The following SLC4A4 variants were observed in gnomAD, a reference collection of about 807,000 sequenced individuals.
SLC4A4 encodes the protein solute carrier family 4 member 4.
A neutral mutation model predicts 111.5 loss-of-function variants in SLC4A4; 27 were observed. The observed-to-expected ratio is 0.24, with a 90% confidence interval of 0.18 to 0.33. The LOEUF (loss-of-function observed/expected upper bound fraction) is 0.33, where lower values mean the gene tolerates loss of function less well. Among genes scored for constraint, SLC4A4 ranks in the 10% least tolerant of loss-of-function variants. The pLI, the probability that SLC4A4 is intolerant of heterozygous loss-of-function variation, is 1.00. For missense variants in SLC4A4, 909 were observed against 1,315.5 expected (o/e 0.69, Z 4.78); for synonymous variants, 443 against 463.4 (o/e 0.96, Z 0.57).
At position 71,167,483 on chromosome 4, in the gene SLC4A4, T is replaced by C. The variant is rs57558670; in HGVS notation, c.-1-69093T>C. 9.5e-3 allele frequency among the ~76,000 whole-genome samples: 1,439 copies of C among 152,240 alleles called. 27 individuals carry two copies. Among genetic ancestry groups the C allele is most frequent in the African/African-American group, 0.033 (1,364 of 41,540 alleles). ...TTGAAAGGGGAGTGGCGAGGTCACATCAGAGAAGAGGATGTGGAAGTGGAG... is the reference window on the plus strand; with the variant it reads ...TTGAAAGGGGAGTGGCGAGGTCACACCAGAGAAGAGGATGTGGAAGTGGAG... On this transcript the variant is annotated intron_variant, in intron 2 of 26. Transcript: ENST00000649996.
intron 1 of SLC4A4, among the ~76,000 whole-genome samples, chr4:71,209,618 G>A (rs1718003436): frequency 6.6e-6 from 1 of 152,040 alleles, no homozygotes; most frequent in African/African-American, 2.4e-5. Context: ...CAATCTGTTA[G>A]TACTCTGCAG....
chr4:71,076,198 C>G (rs1443392032), intron 1 of SLC4A4, among the ~76,000 whole-genome samples: 1 of 151,928 alleles, frequency 6.6e-6, no homozygotes, highest in South Asian at 2.1e-4. Flanking sequence ...TTCTTAGTCC[C>G]GAGAATGTTA....
chr4:71,186,680 G>A (rs1745463105), upstream of SLC4A4: 1 of 151,656 alleles, frequency 6.6e-6, no homozygotes, highest in Non-Finnish European at 1.5e-5. Flanking sequence ...GTGGGGGCCG[G>A]GCTGGCGGGC....
At chr4:71,387,311 A>G (rs1489913833) in intron 6 of SLC4A4, among the ~76,000 whole-genome samples, 4 of 151,918 alleles carry the variant, frequency 2.6e-5, no homozygotes, top group African/African-American at 9.7e-5. Flanking sequence ...AAGTTTTTGG[A>G]GTCTCTTGTC....
chr4:71,149,880 C>G (rs968897643), intron 2 of SLC4A4, among the ~76,000 whole-genome samples: 21 of 152,162 alleles, frequency 1.4e-4, no homozygotes, highest in African/African-American at 4.8e-4. Context: ...AATGGAGCCC[C>G]TAAATCCAAT....
chr4:71,229,940 A>G (rs973941682), intron 1 of SLC4A4, among the ~76,000 whole-genome samples: 29 of 151,160 alleles, frequency 1.9e-4, no homozygotes, highest in African/African-American at 7.1e-4. Context: ...CTTTGCAGCC[A>G]CTGAGATCGC....
intron 2 of SLC4A4, among the ~76,000 whole-genome samples, chr4:71,238,178 C>G (rs1719941367): frequency 6.6e-6 from 1 of 152,160 alleles, no homozygotes; most frequent in African/African-American, 2.4e-5. Flanking sequence ...GTGACATATA[C>G]TGTGTGCGTG....
intron 16 of SLC4A4, among the ~76,000 whole-genome samples, chr4:71,509,753 T>G (rs1294354491): frequency 2.0e-5 from 3 of 152,180 alleles, no homozygotes; most frequent in Non-Finnish European, 4.4e-5. Context: ...TTCAGTGACT[T>G]TCCTGCTTTG....
chr4:71,199,036 T>C (rs1158372739), intron 1 of SLC4A4, among the ~76,000 whole-genome samples: 2 of 152,312 alleles, frequency 1.3e-5, no homozygotes, highest in African/African-American at 4.8e-5. Context: ...TGGGTGGTTA[T>C]TCTCTCTTTA....
chr4:71,210,816 A>C (rs1718093822), intron 1 of SLC4A4, among the ~76,000 whole-genome samples: 1 of 152,186 alleles, frequency 6.6e-6, no homozygotes, highest in Non-Finnish European at 1.5e-5. Flanking sequence ...TATCTTATTC[A>C]TTTTTTATGT....
chr4:71,549,931 A>G (rs995972338), intron 20 of SLC4A4, among the ~76,000 whole-genome samples: 2 of 151,918 alleles, frequency 1.3e-5, no homozygotes, highest in East Asian at 1.9e-4. Context: ...ACAGATTAGA[A>G]TGAGAGAAAG....
intron 24 of SLC4A4, 98 bp downstream of exon 24, chr4:71,563,987 T>A: frequency 1.2e-6 from 1 of 833,768 alleles, no homozygotes; most frequent in Non-Finnish European, 2.1e-6. Flanking sequence ...TTCCCTCAAT[T>A]TTGTTTTTCC....
At chr4:71,124,084 C>T (rs1487550608) in intron 2 of SLC4A4, among the ~76,000 whole-genome samples, 1 of 151,986 alleles carries the variant, frequency 6.6e-6, no homozygotes, top group Non-Finnish European at 1.5e-5. Flanking sequence ...AGCACCCTAC[C>T]TTCCCAAGGG....
intron 2 of SLC4A4, among the ~76,000 whole-genome samples, chr4:71,120,301 A>T (rs889370712): frequency 6.6e-6 from 1 of 152,192 alleles, no homozygotes; most frequent in African/African-American, 2.4e-5. Flanking sequence ...AACCATGATC[A>T]TGGTTCCAGG....
At chr4:71,215,217 A>G (rs1400928477) in intron 1 of SLC4A4, among the ~76,000 whole-genome samples, 1 of 152,188 alleles carries the variant, frequency 6.6e-6, no homozygotes, top group Non-Finnish European at 1.5e-5. Flanking sequence ...GGTAGACTAA[A>G]ACATCACAGC....
chr4:71,298,419 G>A (rs1578781858), intron 3 of SLC4A4, among the ~76,000 whole-genome samples: 2 of 152,154 alleles, frequency 1.3e-5, no homozygotes, highest in African/African-American at 4.8e-5. Context: ...GTGAAAGACT[G>A]TGTTTTAAGG....
At chr4:71,257,022 C>T (rs1721504073) in intron 3 of SLC4A4, among the ~76,000 whole-genome samples, 1 of 152,116 alleles carries the variant, frequency 6.6e-6, no homozygotes, top group Non-Finnish European at 1.5e-5. Context: ...AATTATATAT[C>T]AGCTTTTGAG....
At chr4:71,243,050 G>A (rs1159772507) in intron 2 of SLC4A4, among the ~76,000 whole-genome samples, 1 of 152,114 alleles carries the variant, frequency 6.6e-6, no homozygotes, top group East Asian at 1.9e-4. Context: ...TTGTTAAATT[G>A]TCTTTTTTTC....
At chr4:71,176,896 A>G (rs1410598605) in intron 2 of SLC4A4, among the ~76,000 whole-genome samples, 1 of 152,206 alleles carries the variant, frequency 6.6e-6, no homozygotes, top group Non-Finnish European at 1.5e-5. Flanking sequence ...CCAAAGTTGA[A>G]ATGAAGGAAA....
Sources: allele counts gnomAD v4.1 joint callset (sites outside exome capture counted in the v4.1 genomes callset), GRCh38; gene constraint gnomAD v4.1.1; transcripts MANE v1.5; gene names NCBI Gene and HGNC (gene_info 2026-07-23, HGNC 2026-07-21).